Variants in ADAMTSL1 observed in about 807,000 individuals in gnomAD.
ADAMTSL1 encodes ADAMTS like 1, also known as ADAMTS-like protein 1.
ADAMTSL1 carries 126 observed loss-of-function variants against 201.8 expected under a neutral mutation model. That is an observed-to-expected ratio of 0.62 (90% confidence interval 0.54 to 0.72). The LOEUF (loss-of-function observed/expected upper bound fraction) is 0.72. ADAMTSL1 is among the 30% of genes least tolerant of loss of function. The pLI, the probability that ADAMTSL1 is intolerant of heterozygous loss-of-function variation, is 0.00. For synonymous variants in ADAMTSL1, 1,121 were observed against 903.4 expected, an observed-to-expected ratio of 1.24 and a Z score of -4.32; for missense variants, 2,679 against 2,277.8, an observed-to-expected ratio of 1.18 and a Z score of -3.59.
intron 1 of ADAMTSL1, among the ~76,000 whole-genome samples, chr9:18,028,220 C>G (rs1820783787): frequency 6.6e-6 from 1 of 152,130 alleles, no homozygotes; most frequent in African/African-American, 2.4e-5. Flanking sequence ...GCTTTGTAAT[C>G]TTGACTGTGT....
intron 2 of ADAMTSL1, among the ~76,000 whole-genome samples, chr9:18,216,351 T>C (rs1048782737): frequency 5.3e-5 from 8 of 152,212 alleles, no homozygotes; most frequent in Non-Finnish European, 1.0e-4. Context: ...AATTTTCAGG[T>C]AAGGCTGGAA....
intron 20 of ADAMTSL1, among the ~76,000 whole-genome samples, chr9:18,813,208 G>A (rs900613020): frequency 2.6e-5 from 4 of 151,944 alleles, no homozygotes; most frequent in African/African-American, 9.6e-5. Flanking sequence ...CACATGATCC[G>A]CCGCCTCAGC....
intron 14 of ADAMTSL1, among the ~76,000 whole-genome samples, chr9:18,708,718 A>G (rs1314019984): frequency 1.3e-5 from 2 of 152,202 alleles, no homozygotes; most frequent in East Asian, 3.8e-4. Context: ...TTTCTAGTCT[A>G]AGACAAATGT....
intron 14 of ADAMTSL1, among the ~76,000 whole-genome samples, chr9:18,714,629 C>A (rs1191312321): frequency 7.0e-6 from 1 of 143,582 alleles, no homozygotes; most frequent in Non-Finnish European, 1.6e-5. Flanking sequence ...CAAAAAGAGT[C>A]CAGAACCAGA....
chr9:18,536,636 T>C (rs1272224605), intron 3 of ADAMTSL1, among the ~76,000 whole-genome samples: 2 of 152,186 alleles, frequency 1.3e-5, no homozygotes, highest in African/African-American at 4.8e-5. Flanking sequence ...GGACAGAGTT[T>C]ATCTAATCTT....
At chr9:18,066,014 A>G (rs867556183) in intron 1 of ADAMTSL1, among the ~76,000 whole-genome samples, 16 of 135,160 alleles carry the variant, frequency 1.2e-4, no homozygotes, top group Admixed American at 2.9e-4. Context: ...AAAAAAAAAA[A>G]GAATGGCACC....
chr9:18,470,929 G>T (rs1055239089), upstream of ADAMTSL1, among the ~76,000 whole-genome samples: 3 of 152,170 alleles, frequency 2.0e-5, no homozygotes, highest in African/African-American at 7.2e-5. Flanking sequence ...TTCTGCTAGT[G>T]CTGCTGCTCA....
rs529156231 is a variant in ADAMTSL1 at position 18,075,043 on chromosome 9, C to T, written c.88-88819C>T. ...TCCTGCCTTCCTGCTTCCCTCTTGC[C>T]CTCCCTCACTCTATCCTTCTCCTTT... is the stretch of plus-strand genomic sequence containing the variant. On this transcript the variant is annotated intron_variant, in intron 1 of 29. Coordinates refer to the ADAMTSL1 transcript ENST00000680146. Among the ~76,000 whole-genome samples the T allele has an allele frequency of 3.3e-5, 5 of 151,948 alleles. No individual in the cohort carries two copies. The East Asian group carries it at 9.7e-4, about 29-fold the overall frequency.
chr9:18,587,397 C>T (rs1470390515), intron 4 of ADAMTSL1, among the ~76,000 whole-genome samples: 1 of 152,134 alleles, frequency 6.6e-6, no homozygotes, highest in Admixed American at 6.5e-5. Context: ...ATCAAAACCA[C>T]AGTGAGATAC....
chr9:18,879,241 C>T (rs1385695921), intron 23 of ADAMTSL1, among the ~76,000 whole-genome samples: 2 of 152,120 alleles, frequency 1.3e-5, no homozygotes, highest in African/African-American at 4.8e-5. Flanking sequence ...TTATTTCATT[C>T]GAACATAAAT....
intron 2 of ADAMTSL1, among the ~76,000 whole-genome samples, chr9:18,529,350 C>G (rs1002768833): frequency 6.6e-6 from 1 of 152,080 alleles, no homozygotes; most frequent in African/African-American, 2.4e-5. Context: ...CTCAGCTTTC[C>G]GAATTTTTAG....
chr9:18,229,480 A>G (rs538021635), intron 2 of ADAMTSL1, among the ~76,000 whole-genome samples: 1 of 149,674 alleles, frequency 6.7e-6, no homozygotes, highest in African/African-American at 2.5e-5. Flanking sequence ...TTTTAGGTTA[A>G]CGTAAGGAAG....
At chr9:18,399,203 T>C (rs1817866350) in intron 2 of ADAMTSL1, among the ~76,000 whole-genome samples, 1 of 146,814 alleles carries the variant, frequency 6.8e-6, no homozygotes, top group Non-Finnish European at 1.5e-5. Context: ...GAACAGTCTT[T>C]TCTTTGCCCA....
intron 23 of ADAMTSL1, among the ~76,000 whole-genome samples, chr9:18,851,268 A>G (rs886249698): frequency 2.0e-5 from 3 of 152,156 alleles, no homozygotes; most frequent in Non-Finnish European, 4.4e-5. Context: ...CACAGAAGCA[A>G]TGGTGAGAAA....
intron 2 of ADAMTSL1, chr9:18,360,757 A>C (rs1836483491): frequency 6.6e-6 from 1 of 152,170 alleles, no homozygotes; most frequent in Admixed American, 6.5e-5. Context: ...AACATGAAAA[A>C]TCACTCCAGT....
chr9:18,018,375 T>G (rs896940204), intron 1 of ADAMTSL1, among the ~76,000 whole-genome samples: 4 of 152,120 alleles, frequency 2.6e-5, no homozygotes, highest in Non-Finnish European at 4.4e-5. Context: ...CTGGCATTCA[T>G]GCCCTTCTGT....
chr9:17,945,402 G>C (rs1265051516), intron 1 of ADAMTSL1, among the ~76,000 whole-genome samples: 2 of 133,834 alleles, frequency 1.5e-5, no homozygotes, highest in Non-Finnish European at 1.6e-5. Flanking sequence ...GTGGAAGTCA[G>C]TGTGGCGATT....
At chr9:18,854,634 A>G (rs759692833) in intron 23 of ADAMTSL1, among the ~76,000 whole-genome samples, 15 of 152,204 alleles carry the variant, frequency 9.9e-5, no homozygotes, top group African/African-American at 1.4e-4. Flanking sequence ...GGCAAGGTGC[A>G]AAGGAGGGAG....
intron 14 of ADAMTSL1, among the ~76,000 whole-genome samples, chr9:18,711,624 C>A (rs545273090): frequency 1.6e-4 from 24 of 152,344 alleles, no homozygotes; most frequent in African/African-American, 4.8e-4. Context: ...TGATTGCTAG[C>A]ACAGCAATCT....
Sources: allele counts gnomAD v4.1 joint callset (sites outside exome capture counted in the v4.1 genomes callset), GRCh38; gene constraint gnomAD v4.1.1; transcripts MANE v1.5; gene names NCBI Gene and HGNC (gene_info 2026-07-23, HGNC 2026-07-21).